HEXIM2: variants seen among roughly 807,000 people sequenced by gnomAD.
HEXIM2 encodes the protein protein HEXIM2.
For missense variants in HEXIM2, 413 were observed against 390.8 expected (o/e 1.06, Z -0.48); for synonymous variants, 159 against 162.7 (o/e 0.98, Z 0.17).
chr17:45,164,463 A>C (rs141945018), intron 3 of HEXIM2, among the ~76,000 whole-genome samples: 258 of 151,660 alleles, frequency 1.7e-3, no homozygotes, highest in African/African-American at 5.7e-3. Context: ...TCAAAAAAAA[A>C]CCAAAAAAAC....
chr17:45,161,189 G>C, upstream of HEXIM2: 1 of 359,984 alleles, frequency 2.8e-6, no homozygotes, highest in South Asian at 2.0e-5. Flanking sequence ...CCTGTGGAAA[G>C]ACCGCAGAGG....
At chr17:45,161,761 G>C (rs1297199710), upstream of HEXIM2, 1 of 911,780 alleles carries the variant, frequency 1.1e-6, no homozygotes, top group Non-Finnish European at 1.3e-6. Flanking sequence ...CTGCCCCCGC[G>C]CAAGGGTAGA....
Position 45,169,483 on chromosome 17 carries a change from G to A in HEXIM2, c.535G>A (p.Asp179Asn). 1 of 1,613,484 alleles carries A rather than the reference G, an allele frequency of 6.2e-7. No individual in the cohort carries two copies. ...SSGESEAGDS[D>N]GRGRAHGEFQ... ...TGGGGAGAGTGAGGCCGGGGACAGT[G>A]ATGGGCGGGGCCGAGCGCACGGTGA... Residue 179 changes from aspartate to asparagine, a missense_variant, in exon 4 of 4, where the codon GAT becomes AAT. Transcript: ENST00000589230.
At chr17:45,162,984 T>C in intron 3 of HEXIM2, 125 bp downstream of exon 3, 1 of 675,752 alleles carries the variant, frequency 1.5e-6, no homozygotes, top group Non-Finnish European at 2.6e-6. Context: ...ATCAGTACTA[T>C]GCACTAGGCA....
rs1012832720 is a variant in HEXIM2 at position 45,169,163 on chromosome 17, C to T, written c.215C>T (p.Pro72Leu). ...GGCCTGGGCTGGAACAGTAGGAGTC[C>T]CCGGACCCAGAGCCCAGGGGGCTGC... is the stretch of plus-strand genomic sequence containing the variant. ...VGGLGWNSRS[P>L]RTQSPGGCSA... Residue 72 changes from proline (P) to leucine (L), a missense_variant, in exon 4 of 4, where the codon CCC becomes CTC. Pro to Leu is a moderately conservative substitution (Grantham distance 98). Coordinates refer to ENST00000589230, the MANE Select transcript of HEXIM2 (RefSeq NM_001303441.2). The T allele has an allele frequency of 1.9e-6, 3 of 1,613,648 alleles. No individual in the cohort carries two copies. Among genetic ancestry groups the T allele is most frequent in the Non-Finnish European group, 2.5e-6 (3 of 1,180,040 alleles).
chr17:45,161,221 C>T (rs2042673854), upstream of HEXIM2: 1 of 355,298 alleles, frequency 2.8e-6, no homozygotes, highest in Non-Finnish European at 5.6e-6. Flanking sequence ...ACCAGCCTCT[C>T]CCCTTCTGGG....
intron 3 of HEXIM2, among the ~76,000 whole-genome samples, chr17:45,167,600 TA>T: frequency 6.6e-6 from 1 of 152,086 alleles, no homozygotes; most frequent in East Asian, 2.0e-4. Context: ...ACCCTGTCTC[TA>T]AAAATAAGAG....
At chr17:45,162,677 C>T in intron 2 of HEXIM2, 42 bp downstream of exon 2, 4 of 1,582,262 alleles carry the variant, frequency 2.5e-6, no homozygotes, top group Non-Finnish European at 2.6e-6. Flanking sequence ...ACTGCCTGGG[C>T]AAACAATTCT....
At chr17:45,162,368 C>A in intron 1 of HEXIM2, 120 bp from the exon 2 acceptor site, 1 of 695,024 alleles carries the variant, frequency 1.4e-6, no homozygotes, top group Non-Finnish European at 1.8e-6. Context: ...CCCGTGGCAG[C>A]AGCAGCCCCG....
chr17:45,165,679 C>T (rs1005717549), intron 3 of HEXIM2, among the ~76,000 whole-genome samples: 2 of 152,190 alleles, frequency 1.3e-5, no homozygotes, highest in African/African-American at 4.8e-5. Context: ...TGGAGAGGAT[C>T]TCTTTCCTGC....
In HEXIM2 at chr17:45,162,584, T is replaced by C. The variant is rs1294327363; in HGVS notation, c.-96T>C. The C allele has an allele frequency of 4.3e-6, 6 of 1,404,500 alleles. No individual in the cohort carries two copies. The African/African-American group carries it at 8.7e-5, about 20-fold the overall frequency. 87.0% of individuals were successfully genotyped at this position (1,404,500 alleles called of 1,614,324 possible). On this transcript the variant is annotated 5_prime_UTR_variant, in exon 2 of 4. Transcript: ENST00000589230. The stretch of plus-strand genomic sequence containing the variant: ...CATTTGGCCCCTTGCTGGCTGGAGG[T>C]GTGAAAACCAGCGGTGGAGGCAGCC...
At position 45,169,884 on chromosome 17, in the gene HEXIM2, A is replaced by C; in HGVS notation, c.*75A>C. On this transcript the variant is annotated 3_prime_UTR_variant, in exon 4 of 4. Transcript: ENST00000589230. ...CACTCAGGCCAGCTGGGTCTCAAGG[A>C]GGCAGGTGGCAGATGAAAACCACCG... The C allele has an allele frequency of 2.3e-6, 3 of 1,314,020 alleles. No homozygotes were observed. Among genetic ancestry groups the C allele is most frequent in the Non-Finnish European group, 3.0e-6 (3 of 1,004,718 alleles). 81.4% of individuals were successfully genotyped at this position (1,314,020 alleles called of 1,614,324 possible).
rs374432365 is a variant in HEXIM2 at position 45,162,890 on chromosome 17, A to G, written c.66+31A>G. 2.8e-6 allele frequency: 4 copies of G among 1,418,058 alleles called. No individual in the cohort carries two copies. In the African/African-American group the frequency reaches 4.2e-5, roughly 15 times the overall value. 87.8% of individuals were successfully genotyped at this position (1,418,058 alleles called of 1,614,324 possible). ...TCCCTGCCCTCCTGCCCACCCAAGC[A>G]CCACGAGCACGGGTCCCACAGCTGA... On this transcript the variant is annotated intron_variant, in intron 3 of 3. Coordinates refer to ENST00000589230, the MANE Select transcript of HEXIM2 (RefSeq NM_001303441.2).
chr17:45,163,412 G>A (rs536019871), intron 3 of HEXIM2, among the ~76,000 whole-genome samples: 10 of 151,044 alleles, frequency 6.6e-5, no homozygotes, highest in Non-Finnish European at 1.3e-4. Context: ...TCTGAGACCT[G>A]AAATACCTGT....
upstream of HEXIM2, chr17:45,160,836 GC>G: frequency 9.2e-7 from 1 of 1,087,196 alleles, no homozygotes; most frequent in South Asian, 1.3e-5. Flanking sequence ...GTTTCCAAGT[GC>G]CCCTCTCTAG....
chr17:45,161,802 A>C, upstream of HEXIM2: 1 of 984,740 alleles, frequency 1.0e-6, no homozygotes. Flanking sequence ...GTGGCTGTTG[A>C]CGTTACAGGC....
At chr17:45,162,119 AGCTGCATGTAGT>A (rs1326250482) in intron 1 of HEXIM2, 88 bp downstream of exon 1, 22 of 570,108 alleles carry the variant, frequency 3.9e-5, no homozygotes, top group Non-Finnish European at 4.7e-5. Context: ...TTTCCCTCCC[AGCTGCATGTAGT>A]GCAAAGACCT....
chr17:45,169,008 T>G lies in HEXIM2; in HGVS notation c.67-7T>G. On this transcript the variant is annotated splice_region_variant and splice_polypyrimidine_tract_variant and intron_variant, in intron 3 of 3. Transcript: ENST00000589230. The stretch of plus-strand genomic sequence containing the variant: ...GATCCATCCTTCTTCCTCCTCCCTC[T>G]CTTTAGACCTCTGGTGCCCCGGGGA... 6.3e-7 allele frequency: 1 copy of G among 1,589,654 alleles called. No individual in the cohort carries two copies. Among genetic ancestry groups the G allele is most frequent in the Non-Finnish European group, 8.6e-7 (1 of 1,166,772 alleles).
intron 3 of HEXIM2, among the ~76,000 whole-genome samples, chr17:45,164,599 T>G (rs2042788849): frequency 6.6e-6 from 1 of 152,234 alleles, no homozygotes; most frequent in Non-Finnish European, 1.5e-5. Flanking sequence ...ATCATGCCAC[T>G]GCACTCCAGC....
Sources: allele counts gnomAD v4.1 joint callset (sites outside exome capture counted in the v4.1 genomes callset), GRCh38; gene constraint gnomAD v4.1.1; transcripts MANE v1.5; gene names NCBI Gene and HGNC (gene_info 2026-07-23, HGNC 2026-07-21).